AKAP12: variants seen among roughly 807,000 people sequenced by gnomAD.
The protein encoded by AKAP12 is A-kinase anchor protein 12.
Under a neutral mutation model 79.9 loss-of-function variants are expected in AKAP12, and 32 were observed. The observed-to-expected ratio is 0.40, with a 90% CI of 0.30 to 0.54. AKAP12 has a LOEUF of 0.54. Ranked by LOEUF, AKAP12 falls within the 20% of genes least tolerant of loss-of-function variation. The pLI is 0.48. For missense variants in AKAP12, 2,074 were observed against 2,177.0 expected, an observed-to-expected ratio of 0.95 and a Z score of 0.94; for synonymous variants, 808 against 857.0, an observed-to-expected ratio of 0.94 and a Z score of 1.00.
In AKAP12 at chr6:151,349,828, A is replaced by G; in HGVS notation, c.1437A>G (p.Gly479=). 6.2e-7 allele frequency: 1 copy of G among 1,614,164 alleles called. No homozygotes were observed. The highest frequency in any genetic ancestry group is 8.5e-7 in the Non-Finnish European group (1 of 1,180,030). The change falls in exon 4 of 5, where the codon GGA becomes GGG. Residue 479 remains glycine, a synonymous_variant. Coordinates refer to ENST00000402676, the MANE Select transcript of AKAP12 (RefSeq NM_005100.4). The stretch of plus-strand genomic sequence containing the variant: ...TTTCCGGAGAGGACCCTACACAGGG[A>G]GCTGACCTCAGTCCTGATGAGAAGG... The part of the protein sequence containing the change: ...TCVSGEDPTQ[G]ADLSPDEKVL...
chr6:151,291,972 G>A (rs751643596), intron 2 of AKAP12, among the ~76,000 whole-genome samples: 4 of 152,178 alleles, frequency 2.6e-5, no homozygotes, highest in Non-Finnish European at 2.9e-5. Flanking sequence ...TGCCTAGTGG[G>A]CTTCAGAAAG....
intron 2 of AKAP12, among the ~76,000 whole-genome samples, chr6:151,243,280 T>C (rs1797013300): frequency 6.6e-6 from 1 of 152,248 alleles, no homozygotes; most frequent in Non-Finnish European, 1.5e-5. Context: ...ATACATCATT[T>C]TTCCCTCCTT....
chr6:151,325,795 AGGCGTCTGCCG>A, intron 3 of AKAP12: 2 of 1,613,254 alleles, frequency 1.2e-6, no homozygotes, highest in South Asian at 2.2e-5. Context: ...GCAGGAGACT[AGGCGTCTGCCG>A]GGGAGGGCAG....
At chr6:151,266,977 A>G (rs1776047272) in intron 2 of AKAP12, among the ~76,000 whole-genome samples, 1 of 139,690 alleles carries the variant, frequency 7.2e-6, no homozygotes, top group Admixed American at 8.3e-5. Context: ...AGATCGCGCC[A>G]CTGCACCAGC....
intron 2 of AKAP12, among the ~76,000 whole-genome samples, chr6:151,278,424 C>A (rs1300838675): frequency 6.6e-6 from 1 of 152,070 alleles, no homozygotes; most frequent in Non-Finnish European, 1.5e-5. Flanking sequence ...CCATGTTGGC[C>A]AGACTGGTCT....
At chr6:151,287,473 C>G (rs75127399) in intron 2 of AKAP12, among the ~76,000 whole-genome samples, 29 of 152,258 alleles carry the variant, frequency 1.9e-4, no homozygotes, top group African/African-American at 7.0e-4. Context: ...GTTGCTCAGG[C>G]TAGTGTCTAA....
intron 2 of AKAP12, among the ~76,000 whole-genome samples, chr6:151,305,175 T>G (rs1236834318): frequency 6.6e-6 from 1 of 151,802 alleles, no homozygotes; most frequent in South Asian, 2.1e-4. Context: ...GGCTGTTTTT[T>G]TTTTTTTTTT....
chr6:151,301,038 T>C (rs1776854396), intron 2 of AKAP12, among the ~76,000 whole-genome samples: 1 of 152,180 alleles, frequency 6.6e-6, no homozygotes, highest in Non-Finnish European at 1.5e-5. Context: ...GAAATATACA[T>C]TTCCTCCTTC....
chr6:151,325,739 G>C, intron 3 of AKAP12: 1 of 1,556,122 alleles, frequency 6.4e-7, no homozygotes, highest in Non-Finnish European at 8.7e-7. Context: ...GAGTGTCTGG[G>C]CGCTCAGTCC....
At chr6:151,335,234 TC>T (rs1177051215) in intron 3 of AKAP12, among the ~76,000 whole-genome samples, 19 of 152,218 alleles carry the variant, frequency 1.2e-4, no homozygotes, top group African/African-American at 4.6e-4. Flanking sequence ...TTCCCTATTC[TC>T]TGTATTTTAA....
At position 151,252,799 on chromosome 6, in the gene AKAP12, G is replaced by A. The variant is rs542726186; in HGVS notation, c.162+12075G>A. 4.6e-5 allele frequency among the ~76,000 whole-genome samples: 7 copies of A among 151,956 alleles called. No individual in the cohort carries two copies. In the South Asian group the frequency reaches 1.5e-3, roughly 32 times the overall value. On this transcript the variant is annotated intron_variant, in intron 2 of 4. Transcript: ENST00000402676. ...AGAGATGCCGCCGGATGAGCAGTTGGCAGATCGTGATGGCATCATGCCACA... is the reference window on the plus strand; with the variant it reads ...AGAGATGCCGCCGGATGAGCAGTTGACAGATCGTGATGGCATCATGCCACA...
intron 2 of AKAP12, among the ~76,000 whole-genome samples, chr6:151,270,267 A>G (rs1181571732): frequency 1.3e-5 from 2 of 152,332 alleles, no homozygotes; most frequent in East Asian, 3.9e-4. Flanking sequence ...CATGTTGGTC[A>G]GGCTGGTCTT....
rs1426878297 is a variant in AKAP12, at chr6:151,352,621, T to G, written c.4230T>G (p.Ile1410Met). 1 of 1,614,108 alleles carries G rather than the reference T, an allele frequency of 6.2e-7. No individual in the cohort carries two copies. The highest frequency in any genetic ancestry group is 1.7e-5 in the Admixed American group (1 of 60,012). ...AAGAGGAGGCAGTATGCACCAAAAT[T>G]CAAGTTCAGAGCTCTGAGGCATCAT... Reference protein sequence around the residue: ...LGQEEAVCTKIQVQSSEASFT... With the variant: ...LGQEEAVCTKMQVQSSEASFT... Residue 1410 changes from isoleucine to methionine, a missense_variant, in exon 4 of 5, where the codon ATT becomes ATG. By Grantham distance (10) the Ile-to-Met change is conservative (BLOSUM62 1). Transcript: ENST00000402676.
intron 2 of AKAP12, among the ~76,000 whole-genome samples, chr6:151,258,071 ACT>A (rs1333656334): frequency 1.3e-5 from 2 of 151,694 alleles, no homozygotes; most frequent in Non-Finnish European, 2.9e-5. Flanking sequence ...ATGCCTACAA[ACT>A]CTCCCTTAAC....
chr6:151,301,866 AC>A lies in AKAP12; in HGVS notation c.163-3878del, dbSNP rs553978303. On this transcript the variant is annotated intron_variant, in intron 2 of 4. Transcript: ENST00000402676. Reference sequence around the variant, plus strand: ...CGGCCTTTCTCAAGTAGGGACAGTTACCCTGTGGTTACTGAAAATTAGTATC... The same window carrying A: ...CGGCCTTTCTCAAGTAGGGACAGTTACCTGTGGTTACTGAAAATTAGTATC... 1.5e-3 allele frequency among the ~76,000 whole-genome samples: 227 copies of A among 152,264 alleles called. 1 individual carries two copies. The highest frequency in any genetic ancestry group is 5.1e-3 in the African/African-American group (214 of 41,554).
At chr6:151,303,715 G>A (rs1776908595) in intron 2 of AKAP12, among the ~76,000 whole-genome samples, 1 of 152,192 alleles carries the variant, frequency 6.6e-6, no homozygotes. Context: ...ACCGGTTCCA[G>A]ACCTGGAATA....
In AKAP12 at chr6:151,350,797, ATCCTGGGTCTCAATCAAGAAGTTTAT is replaced by A; in HGVS notation, c.2413_2438del (p.Val805ThrfsTer16). ...CAGACACTGAACCCGGTAAAGAAGAATCCTGGGTCTCAATCAAGAAGTTTATTCCTGGACGAAGGAAGAAAAGGCCA... is the reference window on the plus strand; with the variant it reads ...CAGACACTGAACCCGGTAAAGAAGAATCCTGGACGAAGGAAGAAAAGGCCA... On this transcript the variant is annotated frameshift_variant, in exon 4 of 5. Coordinates refer to ENST00000402676, the MANE Select transcript of AKAP12 (RefSeq NM_005100.4). LOFTEE classifies it high-confidence loss of function. This position sits in a 1 kb window ranked among gnomAD's most constrained non-coding sequence, Gnocchi z 4.8. The A allele has an allele frequency of 6.2e-7, 1 of 1,614,010 alleles. No homozygotes were observed. The highest frequency in any genetic ancestry group is 8.5e-7 in the Non-Finnish European group (1 of 1,179,944).
In AKAP12 at chr6:151,350,048, G is replaced by T. The variant is rs574490849; in HGVS notation, c.1657G>T (p.Asp553Tyr). The T allele has an allele frequency of 6.2e-7, 1 of 1,614,020 alleles. No individual in the cohort carries two copies. Among genetic ancestry groups the T allele is most frequent in the East Asian group, 2.2e-5 (1 of 44,882 alleles). Residue 553 changes from aspartate (D) to tyrosine (Y), a missense_variant, in exon 4 of 5, where the codon GAT becomes TAT. This residue lies in a region of AKAP12 where 1,428 missense variants were observed against 1,451.0 expected (regional missense o/e 0.98). Coordinates refer to ENST00000402676, the MANE Select transcript of AKAP12 (RefSeq NM_005100.4). The surrounding 1 kb of genome is among the most constrained non-coding windows in gnomAD (Gnocchi z 4.8). ...AGGGGAGCACACTCAGGTTCCAGCC[G>T]ATTCTCCGGACAGCCAGGAGGAGCA... ...ESGEHTQVPA[D>Y]SPDSQEEQKG...
Position 151,252,732 on chromosome 6 carries a change from G to GAA in AKAP12, c.162+12029_162+12030dup, listed in dbSNP as rs1185564468. On this transcript the variant is annotated intron_variant, in intron 2 of 4. Coordinates refer to ENST00000402676, the MANE Select transcript of AKAP12 (RefSeq NM_005100.4). ...AAGATACCAAGACCCCTGTCTCTGG[G>GAA]AAAAAAAAAAAAAAAAAAAAAAGAT... Among the ~76,000 whole-genome samples the GAA allele has an allele frequency of 1.9e-3, 181 of 95,766 alleles. 2 individuals are homozygous for GAA. The highest frequency in any genetic ancestry group is 6.8e-3 in the African/African-American group (170 of 24,950). The allele number at this position is 95,766 out of a possible 152,430, so 62.8% of individuals were successfully genotyped here. A position where few individuals can be genotyped will look rare whatever the true frequency, so the allele number is the denominator to read the frequency against.
Sources: gnomAD v4.1 joint callset for allele counts (sites outside exome capture counted in the v4.1 genomes callset) on GRCh38, gnomAD v4.1.1 for gene constraint, gnomAD v4.1.1 regional missense constraint, Gnocchi (gnomAD v3.1) non-coding constraint, MANE v1.5 for transcripts, NCBI Gene and HGNC (gene_info 2026-07-23, HGNC 2026-07-21) for gene names.